The following MTFR1L variants were observed in gnomAD, a reference collection of about 807,000 sequenced individuals.
The protein encoded by MTFR1L is mitochondrial fission regulator 1 like.
Under a neutral mutation model 27.9 loss-of-function variants are expected in MTFR1L, and 10 were observed. That is an observed-to-expected ratio of 0.36 (90% CI 0.22 to 0.61). The LOEUF is 0.61. MTFR1L is among the 20% of genes least tolerant of loss of function. MTFR1L has a pLI of 0.73. For synonymous variants in MTFR1L, 151 were observed against 139.4 expected (o/e 1.08, Z -0.58); for missense variants, 315 against 363.7 (o/e 0.87, Z 1.09).
intron 1 of MTFR1L, chr1:25,822,522 C>CTTTTTTTTTTTTT (rs138804319): frequency 9.2e-6 from 1 of 109,080 alleles, no homozygotes. Flanking sequence ...CTAGGCAAAT[C>CTTTTTTTTTTTTT]TTTTTTTTTT....
Position 25,826,924 on chromosome 1 carries a change from G to A in MTFR1L, c.451+98G>A. 2 of 1,385,116 alleles carry A rather than the reference G, an allele frequency of 1.4e-6. No individual in the cohort carries two copies. Among genetic ancestry groups the A allele is most frequent in the Non-Finnish European group, 2.0e-6 (2 of 1,013,326 alleles). 85.8% of individuals were successfully genotyped at this position (1,385,116 alleles called of 1,614,324 possible). A position where few individuals can be genotyped will look rare whatever the true frequency, so the allele number is the denominator to read the frequency against. ...TAAAGAAAGTGGTAATCCTTGGTTT[G>A]CAGGTACTTAGGTTCCGGGCCCTGG... On this transcript the variant is annotated intron_variant, in intron 5 of 6. Transcript: ENST00000374303. The surrounding 1 kb of genome is among the most constrained non-coding windows in gnomAD (Gnocchi z 4.1).
chr1:25,832,114 G>C lies in MTFR1L; in HGVS notation c.*88G>C. On this transcript the variant is annotated 3_prime_UTR_variant, in exon 7 of 7. Transcript: ENST00000374303. Reference sequence around the variant, plus strand: ...CACCGCAGATGTTTCTGCCTCTTAAGGATAGATCTTCTGCAACAGTCTTGC... The same window carrying C: ...CACCGCAGATGTTTCTGCCTCTTAACGATAGATCTTCTGCAACAGTCTTGC... 6.2e-7 allele frequency: 1 copy of C among 1,605,040 alleles called. No homozygotes were observed. Among genetic ancestry groups the C allele is most frequent in the Non-Finnish European group, 8.5e-7 (1 of 1,176,706 alleles).
chr1:25,828,727 G>A (rs958267986), intron 5 of MTFR1L, among the ~76,000 whole-genome samples: 3 of 152,056 alleles, frequency 2.0e-5, no homozygotes, highest in Non-Finnish European at 4.4e-5. Flanking sequence ...AGATGCTCAG[G>A]GCTTATCTTC....
At chr1:25,831,757 C>T (rs1251513750) in intron 6 of MTFR1L, among the ~76,000 whole-genome samples, 164 bp from the exon 7 acceptor site, 1 of 152,222 alleles carries the variant, frequency 6.6e-6, no homozygotes, top group African/African-American at 2.4e-5. Flanking sequence ...CCTTGGGCAA[C>T]TTGTATAACC....
At chr1:25,822,283 G>A (rs1251784039) in intron 1 of MTFR1L, 1 of 152,326 alleles carries the variant, frequency 6.6e-6, no homozygotes, top group Non-Finnish European at 1.5e-5. Flanking sequence ...TCATGAGACT[G>A]AGATTGGCAT....
chr1:25,828,052 T>TC (rs1279790811), intron 5 of MTFR1L, among the ~76,000 whole-genome samples: 1 of 151,862 alleles, frequency 6.6e-6, no homozygotes, highest in Admixed American at 6.6e-5. Flanking sequence ...AAGTAAACAT[T>TC]CCCCCCACCA....
At position 25,831,915 on chromosome 1, in the gene MTFR1L, C is replaced by A. The variant is rs1476221710; in HGVS notation, c.774-6C>A. On this transcript the variant is annotated splice_region_variant and splice_polypyrimidine_tract_variant and intron_variant, in intron 6 of 6. Coordinates refer to ENST00000374303, the MANE Select transcript of MTFR1L (RefSeq NM_001099625.2). Reference sequence around the variant, plus strand: ...GTAAGTACTCAAGCTATTATTGTGTCTCTAGGAACCGGAGTTTATTGAAGG... The same window carrying A: ...GTAAGTACTCAAGCTATTATTGTGTATCTAGGAACCGGAGTTTATTGAAGG... 6.2e-7 allele frequency: 1 copy of A among 1,612,106 alleles called. No individual in the cohort carries two copies. The highest frequency in any genetic ancestry group is 8.5e-7 in the Non-Finnish European group (1 of 1,178,206).
At chr1:25,824,748 G>C (rs2048146260) in intron 3 of MTFR1L, among the ~76,000 whole-genome samples, 1 of 151,972 alleles carries the variant, frequency 6.6e-6, no homozygotes, top group Admixed American at 6.6e-5. Context: ...GGCAGGAACT[G>C]GTCCTAACTT....
chr1:25,831,315 C>G (rs2048236979), intron 6 of MTFR1L, among the ~76,000 whole-genome samples: 2 of 152,156 alleles, frequency 1.3e-5, no homozygotes, highest in Admixed American at 1.3e-4. Context: ...CTAGGACCCT[C>G]TTATATGATG....
At chr1:25,820,486 T>G (rs1475202167) in intron 1 of MTFR1L, 2 of 366,616 alleles carry the variant, frequency 5.5e-6, no homozygotes, top group Non-Finnish European at 1.0e-5. Context: ...TCCGCGCGGG[T>G]CTCCGGCCAC....
chr1:25,825,667 G>C (rs2048157605), intron 3 of MTFR1L: 1 of 152,166 alleles, frequency 6.6e-6, no homozygotes. Context: ...ATTATAAAAA[G>C]CTAGTCAGGA....
At chr1:25,831,113 A>G (rs553390273) in intron 6 of MTFR1L, among the ~76,000 whole-genome samples, 3 of 152,322 alleles carry the variant, frequency 2.0e-5, no homozygotes, top group East Asian at 1.9e-4. Flanking sequence ...GGGTCAGTGA[A>G]TAAGAATGGG....
In MTFR1L at chr1:25,832,175, G is replaced by T; in HGVS notation, c.*149G>T. 1 of 1,545,318 alleles carries T rather than the reference G, an allele frequency of 6.5e-7. No homozygotes were observed. The highest frequency in any genetic ancestry group is 8.7e-7 in the Non-Finnish European group (1 of 1,149,728). On this transcript the variant is annotated 3_prime_UTR_variant, in exon 7 of 7. Transcript: ENST00000374303. The stretch of plus-strand genomic sequence containing the variant: ...GAGCTTGGACTGAAAGAGAAGAGCT[G>T]GATTATATATTTCCCAGACTTCAAA...
In MTFR1L at chr1:25,826,024, A is replaced by G; in HGVS notation, c.130-278A>G. On this transcript the variant is annotated intron_variant, in intron 3 of 6. Transcript: ENST00000374303. The surrounding 1 kb of genome is among the most constrained non-coding windows in gnomAD (Gnocchi z 4.1). ...AATTTTTGTATTTTTTGGTAGAGGC[A>G]GGGTTTTGCCATGTTGCCCAGGCTG... The G allele has an allele frequency of 2.8e-6, 1 of 358,082 alleles. No homozygotes were observed. The highest frequency in any genetic ancestry group is 5.2e-6 in the Non-Finnish European group (1 of 191,778). The allele number at this position is 358,082 out of a possible 1,614,324, so 22.2% of individuals were successfully genotyped here.
chr1:25,829,327 C>T (rs1449269084), intron 5 of MTFR1L, among the ~76,000 whole-genome samples, 182 bp from the exon 6 acceptor site: 1 of 152,136 alleles, frequency 6.6e-6, no homozygotes, highest in Non-Finnish European at 1.5e-5. Flanking sequence ...GCTTTCTGAG[C>T]CCCCGAGTGA....
At position 25,822,677 on chromosome 1, in the gene MTFR1L, C is replaced by T. The variant is rs192545096; in HGVS notation, c.-86-342C>T. 1.6e-3 allele frequency: 562 copies of T among 345,890 alleles called. 6 individuals are homozygous for T. Among genetic ancestry groups the T allele is most frequent in the East Asian group, 0.01 (168 of 16,114 alleles). 21.4% of individuals were successfully genotyped at this position (345,890 alleles called of 1,614,324 possible). ...AAGTAGCTGGTACTACAGGTGCCCG[C>T]CACCACACCTGGCTAATTTTTTGTA... On this transcript the variant is annotated intron_variant, in intron 1 of 6. Coordinates refer to ENST00000374303, the MANE Select transcript of MTFR1L (RefSeq NM_001099625.2).
At chr1:25,823,214 C>A in intron 2 of MTFR1L, 86 bp downstream of exon 2, 1 of 1,302,096 alleles carries the variant, frequency 7.7e-7, no homozygotes, top group Non-Finnish European at 1.1e-6. Context: ...CTGAGACTCT[C>A]CAGTTGAGCA....
chr1:25,828,567 GA>G (rs1187932092), intron 5 of MTFR1L, among the ~76,000 whole-genome samples: 3,062 of 138,472 alleles, frequency 0.022, 104 homozygotes, highest in African/African-American at 0.073. Context: ...CTCAAAAAAA[GA>G]AAAAAAAAAA....
chr1:25,826,053 TCA>T lies in MTFR1L; in HGVS notation c.130-248_130-247del, dbSNP rs781010438. The T allele has an allele frequency of 6.0e-5, 26 of 435,194 alleles. No individual in the cohort carries two copies. Among genetic ancestry groups the T allele is most frequent in the Non-Finnish European group, 9.2e-5 (22 of 238,136 alleles). The allele number at this position is 435,194 out of a possible 1,614,324, so 27.0% of individuals were successfully genotyped here. ...TTTTGCCATGTTGCCCAGGCTGATCTCAAACTCTTGGTCTCAAGCATTCTGCC... is the reference window on the plus strand; with the variant it reads ...TTTTGCCATGTTGCCCAGGCTGATCTAACTCTTGGTCTCAAGCATTCTGCC... On this transcript the variant is annotated intron_variant, in intron 3 of 6. Coordinates refer to ENST00000374303, the MANE Select transcript of MTFR1L (RefSeq NM_001099625.2). The surrounding 1 kb of genome is among the most constrained non-coding windows in gnomAD (Gnocchi z 4.1).
Sources: gnomAD v4.1 joint callset for allele counts (sites outside exome capture counted in the v4.1 genomes callset) on GRCh38, gnomAD v4.1.1 for gene constraint, Gnocchi (gnomAD v3.1) non-coding constraint, MANE v1.5 for transcripts, NCBI Gene and HGNC (gene_info 2026-07-23, HGNC 2026-07-21) for gene names.